Variants in DRC11 observed in about 807,000 individuals in gnomAD.
The protein encoded by DRC11 is IQ and AAA domain-containing protein 1.
At chr2:236,368,299 C>A in the DRC11 span, 1 of 1,564,596 alleles carries the variant, frequency 6.4e-7, no homozygotes, top group Non-Finnish European at 8.7e-7. Flanking sequence ...TAGCTGTACT[C>A]ACCTGGAGAG....
chr2:236,434,482 AATT>A, the DRC11 span, among the ~76,000 whole-genome samples: 2 of 152,120 alleles, frequency 1.3e-5, no homozygotes, highest in African/African-American at 2.4e-5. This position sits in a 1 kb window ranked among gnomAD's most constrained non-coding sequence, Gnocchi z 5.5. Context: ...TGTCTCATCT[AATT>A]ATTACCTCAG....
chr2:236,488,186 G>A, the DRC11 span: 1 of 1,578,002 alleles, frequency 6.3e-7, no homozygotes, highest in Admixed American at 1.9e-5. Flanking sequence ...TCTTTACAGG[G>A]TATTTCTGCA....
chr2:236,450,314 CTTTTTTTTTTTTTT>C, the DRC11 span, among the ~76,000 whole-genome samples: 5 of 82,378 alleles, frequency 6.1e-5, no homozygotes, highest in African/African-American at 2.0e-4. Context: ...CTTTTCTTTT[CTTTTTTTTTTTTTT>C]TTTTTTTTTG....
At chr2:236,436,930 T>C in the DRC11 span, among the ~76,000 whole-genome samples, 3 of 152,290 alleles carry the variant, frequency 2.0e-5, no homozygotes, top group East Asian at 3.9e-4. Context: ...TTCCCTATTA[T>C]AGCTTTTTTA....
the DRC11 span, among the ~76,000 whole-genome samples, chr2:236,403,874 C>A: frequency 4.7e-4 from 71 of 152,192 alleles, no homozygotes; most frequent in Non-Finnish European, 8.5e-4. Flanking sequence ...CCTCGGGGCC[C>A]CGACTGCAAC....
the DRC11 span, among the ~76,000 whole-genome samples, chr2:236,355,458 C>T: frequency 2.6e-5 from 4 of 152,212 alleles, no homozygotes; most frequent in African/African-American, 4.8e-5. Flanking sequence ...CAGCTGCGTC[C>T]GCACGCAGTG....
the DRC11 span, chr2:236,407,946 G>A: frequency 1.9e-6 from 1 of 528,522 alleles, no homozygotes. Flanking sequence ...AGCAGCCATG[G>A]CCAAACTTGG....
At chr2:236,471,498 C>A in the DRC11 span, among the ~76,000 whole-genome samples, 4 of 152,016 alleles carry the variant, frequency 2.6e-5, no homozygotes, top group Non-Finnish European at 5.9e-5. This position sits in a 1 kb window ranked among gnomAD's most constrained non-coding sequence, Gnocchi z 4.6. Context: ...TAAAAGATGG[C>A]AATTTAAGAA....
At chr2:236,346,353 C>A in the DRC11 span, among the ~76,000 whole-genome samples, 1 of 152,214 alleles carries the variant, frequency 6.6e-6, no homozygotes, top group Admixed American at 6.5e-5. Flanking sequence ...CTCATCTGAA[C>A]CCTATGAAGC....
At chr2:236,496,670 T>C in the DRC11 span, among the ~76,000 whole-genome samples, 1 of 152,128 alleles carries the variant, frequency 6.6e-6, no homozygotes, top group East Asian at 1.9e-4. The surrounding 1 kb of genome is among the most constrained non-coding windows in gnomAD (Gnocchi z 6.3). Context: ...AGCTCTCCTT[T>C]GATGTCTGAG....
the DRC11 span, among the ~76,000 whole-genome samples, chr2:236,432,483 A>G: frequency 6.6e-6 from 1 of 152,028 alleles, no homozygotes; most frequent in East Asian, 1.9e-4. Flanking sequence ...CATTTCTCTT[A>G]TATGTGTGAG....
the DRC11 span, among the ~76,000 whole-genome samples, chr2:236,364,764 T>C: frequency 0.15 from 23,474 of 152,196 alleles, 2,019 homozygotes; most frequent in Admixed American, 0.21. Flanking sequence ...TTTACTATCA[T>C]GTTAGTTTGC....
the DRC11 span, among the ~76,000 whole-genome samples, chr2:236,397,715 T>C: frequency 6.6e-6 from 1 of 152,202 alleles, no homozygotes; most frequent in Non-Finnish European, 1.5e-5. This position sits in a 1 kb window ranked among gnomAD's most constrained non-coding sequence, Gnocchi z 5.0. Flanking sequence ...ACATACCTGA[T>C]GCCAGTGGAC....
At chr2:236,333,534 G>A in the DRC11 span, among the ~76,000 whole-genome samples, 1 of 152,158 alleles carries the variant, frequency 6.6e-6, no homozygotes, top group African/African-American at 2.4e-5. The surrounding 1 kb of genome is among the most constrained non-coding windows in gnomAD (Gnocchi z 6.0). Flanking sequence ...TGATTTATGG[G>A]AGAGTCACAG....
At chr2:236,366,975 ATT>A in the DRC11 span, among the ~76,000 whole-genome samples, 286 of 127,366 alleles carry the variant, frequency 2.2e-3, 1 homozygote, top group African/African-American at 5.3e-3. Flanking sequence ...ACACCCGGCT[ATT>A]TTTTTTTTTT....
chr2:236,312,286 A>T, the DRC11 span, among the ~76,000 whole-genome samples: 1 of 152,330 alleles, frequency 6.6e-6, no homozygotes, highest in Admixed American at 6.5e-5. Context: ...ATAGTGGCCC[A>T]AGCCTCCATT....
At chr2:236,409,911 T>A in the DRC11 span, among the ~76,000 whole-genome samples, 9 of 152,210 alleles carry the variant, frequency 5.9e-5, no homozygotes, top group African/African-American at 1.7e-4. Context: ...TGGATTACAT[T>A]TATTGATTTG....
the DRC11 span, among the ~76,000 whole-genome samples, chr2:236,459,381 AC>A: frequency 1.3e-5 from 2 of 151,910 alleles, no homozygotes; most frequent in Non-Finnish European, 2.9e-5. Context: ...GGCCATCAAA[AC>A]AAAGATAGTT....
chr2:236,469,406 A>G, the DRC11 span, among the ~76,000 whole-genome samples: 2 of 152,164 alleles, frequency 1.3e-5, no homozygotes, highest in Non-Finnish European at 1.5e-5. The surrounding 1 kb of genome is among the most constrained non-coding windows in gnomAD (Gnocchi z 5.8). Flanking sequence ...GGGTTTCACC[A>G]TGTTGGTCAC....
Sources: gnomAD v4.1 joint callset for allele counts (sites outside exome capture counted in the v4.1 genomes callset) on GRCh38, gnomAD v4.1.1 for gene constraint, Gnocchi (gnomAD v3.1) non-coding constraint, MANE v1.5 for transcripts, NCBI Gene and HGNC (gene_info 2026-07-23, HGNC 2026-07-21) for gene names.